The following GCN1 variants were observed in gnomAD, a reference collection of about 807,000 sequenced individuals.
The protein encoded by GCN1 is GCN1 activator of EIF2AK4.
A neutral mutation model predicts 288.4 loss-of-function variants in GCN1; 90 were observed. The observed-to-expected ratio is 0.31, with a 90% CI of 0.26 to 0.37. The LOEUF (loss-of-function observed/expected upper bound fraction) is 0.37. Among genes scored for constraint, GCN1 ranks in the 10% least tolerant of loss-of-function variants. The pLI, the probability that GCN1 is intolerant of heterozygous loss-of-function variation, is 1.00. For missense variants in GCN1, 2,586 were observed against 3,419.9 expected (o/e 0.76, Z 6.08); for synonymous variants, 1,386 against 1,420.2 (o/e 0.98, Z 0.54).
rs751975738 is a variant in GCN1, at chr12:120,163,054, C to A, written c.2038+16G>T. On this transcript the variant is annotated intron_variant, in intron 19 of 57. Coordinates refer to ENST00000300648, the MANE Select transcript of GCN1 (RefSeq NM_006836.2). ...CTAAAGCTCTGGGCTCTCCCACACC[C>A]ACCGCAGCCACGGACCTAAGGATGG... The A allele has an allele frequency of 6.2e-7, 1 of 1,613,682 alleles. No homozygotes were observed. The highest frequency in any genetic ancestry group is 8.5e-7 in the Non-Finnish European group (1 of 1,179,560).
chr12:120,174,037 C>T (rs766139998), intron 13 of GCN1, 34 bp downstream of exon 13: 3 of 1,301,156 alleles, frequency 2.3e-6, no homozygotes, highest in South Asian at 1.2e-5. Context: ...AGGATGAGTA[C>T]AGAACGCATG....
intron 24 of GCN1, 89 bp downstream of exon 24, chr12:120,159,736 A>T: frequency 1.8e-6 from 2 of 1,129,430 alleles, no homozygotes; most frequent in Non-Finnish European, 2.7e-6. Context: ...GTCACCACCC[A>T]CCTCCCCACA....
rs570206469 is a variant in GCN1 at position 120,142,097 on chromosome 12, C to A, written c.5829+410G>T. 1.3e-5 allele frequency among the ~76,000 whole-genome samples: 2 copies of A among 152,044 alleles called. No individual in the cohort carries two copies. Among genetic ancestry groups the A allele is most frequent in the African/African-American group, 2.4e-5 (1 of 41,380 alleles). The stretch of plus-strand genomic sequence containing the variant: ...ATCCCAGCACTTTGGGAGGCCGAGA[C>A]GGGCGCATCACGAGGTCAGGAGATC... On this transcript the variant is annotated intron_variant, in intron 44 of 57. Coordinates refer to ENST00000300648, the MANE Select transcript of GCN1 (RefSeq NM_006836.2). The surrounding 1 kb of genome is among the most constrained non-coding windows in gnomAD (Gnocchi z 4.9).
intron 1 of GCN1, among the ~76,000 whole-genome samples, chr12:120,190,721 T>C (rs1878977151): frequency 1.3e-5 from 2 of 152,170 alleles, no homozygotes; most frequent in African/African-American, 4.8e-5. Context: ...CAAATCAATA[T>C]ACCTTATTTA....
chr12:120,168,329 C>G, intron 15 of GCN1, 29 bp from the exon 16 acceptor site: 1 of 1,280,776 alleles, frequency 7.8e-7, no homozygotes, highest in Non-Finnish European at 1.1e-6. Context: ...TACCCCACGA[C>G]GCAGCTCACC....
In GCN1 at chr12:120,161,518, T is replaced by C. The variant is rs2139115080; in HGVS notation, c.2408A>G (p.Glu803Gly). ...KRENKAYSFKEQIIELELKEE... is the reference protein window; with the variant it reads ...KRENKAYSFKGQIIELELKEE... Reference sequence around the variant, plus strand: ...CTTCAGCTCCAGCTCGATGATCTGCTCTTTGAAGGAATAAGCTTTGTTCTC... The same window carrying C: ...CTTCAGCTCCAGCTCGATGATCTGCCCTTTGAAGGAATAAGCTTTGTTCTC... Residue 803 changes from glutamate (E) to glycine (G), a missense_variant, in exon 22 of 58, where the codon GAG (glutamate) becomes GGG (glycine). Coordinates refer to ENST00000300648, the MANE Select transcript of GCN1 (RefSeq NM_006836.2). The C allele has an allele frequency of 6.2e-7, 1 of 1,613,708 alleles. No homozygotes were observed. Among genetic ancestry groups the C allele is most frequent in the Middle Eastern group, 1.7e-4 (1 of 6,060 alleles).
At position 120,153,648 on chromosome 12, in the gene GCN1, C is replaced by T. The variant is rs940372514; in HGVS notation, c.3867+96G>A. On this transcript the variant is annotated intron_variant, in intron 32 of 57. Transcript: ENST00000300648. This position sits in a 1 kb window ranked among gnomAD's most constrained non-coding sequence, Gnocchi z 4.4. The stretch of plus-strand genomic sequence containing the variant: ...GACTCTTGGCACTCAGCATTTCTGG[C>T]CCCTGCTCAGCCCTAGCGCCTGCCT... 46 of 1,207,876 alleles carry T rather than the reference C, an allele frequency of 3.8e-5. No individual in the cohort carries two copies. The African/African-American group carries it at 6.2e-4, about 16-fold the overall frequency. 74.8% of individuals were successfully genotyped at this position (1,207,876 alleles called of 1,614,324 possible).
intron 45 of GCN1, among the ~76,000 whole-genome samples, chr12:120,139,155 CA>C (rs1877109702): frequency 6.6e-6 from 1 of 151,710 alleles, no homozygotes; most frequent in Admixed American, 6.6e-5. Context: ...ACTAAAAATA[CA>C]AAAATTAGCT....
chr12:120,169,810 C>T (rs1878261427), intron 15 of GCN1, among the ~76,000 whole-genome samples: 1 of 152,178 alleles, frequency 6.6e-6, no homozygotes, highest in African/African-American at 2.4e-5. Context: ...TTAACGGCTA[C>T]GGGAAAAGAC....
At chr12:120,133,125 G>C (rs1282237185) in intron 53 of GCN1, among the ~76,000 whole-genome samples, 1 of 152,198 alleles carries the variant, frequency 6.6e-6, no homozygotes, top group Non-Finnish European at 1.5e-5. Context: ...TGGCGCCTGG[G>C]GACCAGAACT....
intron 53 of GCN1, 45 bp from the exon 54 acceptor site, chr12:120,132,067 C>T (rs1876845677): frequency 2.3e-6 from 3 of 1,293,198 alleles, no homozygotes; most frequent in Non-Finnish European, 1.1e-6. Flanking sequence ...GGAACAACAC[C>T]AGCTGTGTGG....
At chr12:120,191,990 A>T (rs1879015552) in intron 1 of GCN1, among the ~76,000 whole-genome samples, 1 of 152,176 alleles carries the variant, frequency 6.6e-6, no homozygotes, top group Admixed American at 6.5e-5. Flanking sequence ...CCAGTTTCAC[A>T]TACAGGCTAG....
At position 120,142,957 on chromosome 12, in the gene GCN1, A is replaced by G. The variant is rs1877245582; in HGVS notation, c.5496-16T>C. ...AGAGCTGAACCTGAGAAGGAGGCCA[A>G]CAACACAGTCACACAGCTGCAAGGA... On this transcript the variant is annotated splice_polypyrimidine_tract_variant and intron_variant, in intron 42 of 57. Transcript: ENST00000300648. This position sits in a 1 kb window ranked among gnomAD's most constrained non-coding sequence, Gnocchi z 4.9. The G allele has an allele frequency of 6.7e-7, 1 of 1,481,980 alleles. No individual in the cohort carries two copies. The highest frequency in any genetic ancestry group is 1.4e-5 in the African/African-American group (1 of 72,406). 91.8% of individuals were successfully genotyped at this position (1,481,980 alleles called of 1,614,324 possible). A position where few individuals can be genotyped will look rare whatever the true frequency, so the allele number is the denominator to read the frequency against.
chr12:120,184,676 G>C (rs929812516), intron 3 of GCN1, 148 bp downstream of exon 3: 1 of 683,740 alleles, frequency 1.5e-6, no homozygotes, highest in African/African-American at 1.8e-5. Flanking sequence ...GAGAGGTTAA[G>C]TAACTTGCCC....
chr12:120,146,109 A>G (rs1289780919), intron 38 of GCN1, among the ~76,000 whole-genome samples: 1 of 151,954 alleles, frequency 6.6e-6, no homozygotes. Context: ...TCTACTAAAA[A>G]TACAAAAATT....
chr12:120,169,409 ATATATAT>A (rs1470744536), intron 15 of GCN1, among the ~76,000 whole-genome samples: 23 of 148,554 alleles, frequency 1.5e-4, no homozygotes, highest in African/African-American at 5.1e-4. Context: ...TATATATAGT[ATATATAT>A]TATATATTAT....
At chr12:120,160,438 T>C (rs776489112) in intron 22 of GCN1, 183 bp from the exon 23 acceptor site, 31 of 591,978 alleles carry the variant, frequency 5.2e-5, no homozygotes, top group Non-Finnish European at 8.4e-5. Context: ...CTGGTTTCTA[T>C]AGAATGGAGA....
Position 120,165,008 on chromosome 12 carries a change from C to T in GCN1, c.1613-287G>A, listed in dbSNP as rs1353889728. ...ATACATATATACACATATATACACA[C>T]ACACACACACACACACACACACACA... On this transcript the variant is annotated intron_variant, in intron 16 of 57. Coordinates refer to ENST00000300648, the MANE Select transcript of GCN1 (RefSeq NM_006836.2). Among the ~76,000 whole-genome samples the T allele has an allele frequency of 6.0e-3, 786 of 131,230 alleles. 7 individuals carry two copies. The highest frequency in any genetic ancestry group is 0.021 in the African/African-American group (737 of 34,672). 86.1% of individuals were successfully genotyped at this position (131,230 alleles called of 152,430 possible).
intron 18 of GCN1, among the ~76,000 whole-genome samples, chr12:120,164,085 C>T (rs563845349): frequency 4.0e-4 from 60 of 149,648 alleles, no homozygotes; most frequent in South Asian, 2.1e-4. Flanking sequence ...GTGAGCAAAA[C>T]AAAACAAAAC....
Sources: allele counts gnomAD v4.1 joint callset (sites outside exome capture counted in the v4.1 genomes callset), GRCh38; gene constraint gnomAD v4.1.1; non-coding constraint Gnocchi (gnomAD v3.1); transcripts MANE v1.5; gene names NCBI Gene and HGNC (gene_info 2026-07-23, HGNC 2026-07-21).